SERINC2: variants seen among roughly 807,000 people sequenced by gnomAD.
SERINC2 encodes tumor differentially expressed protein 2.
A neutral mutation model predicts 54.2 loss-of-function variants in SERINC2; 56 were observed. That is an observed-to-expected ratio of 1.03 (90% CI 0.83 to 1.29). SERINC2 has a LOEUF of 1.29. Among genes scored for constraint, SERINC2 ranks in the 50% most tolerant of loss-of-function variants. The pLI, the probability that SERINC2 is intolerant of heterozygous loss-of-function variation, is 0.00. For missense variants in SERINC2, 614 were observed against 607.4 expected (o/e 1.01, Z -0.12); for synonymous variants, 272 against 253.1 (o/e 1.07, Z -0.71).
chr1:31,434,004 G>A, intron 9 of SERINC2, 60 bp from the exon 10 acceptor site: 3 of 1,578,772 alleles, frequency 1.9e-6, no homozygotes, highest in South Asian at 2.3e-5. Context: ...TAAGGCCAGG[G>A]GCCAAGATGG....
intron 8 of SERINC2, among the ~76,000 whole-genome samples, chr1:31,431,676 A>G (rs1641205932): frequency 6.6e-6 from 1 of 151,956 alleles, no homozygotes; most frequent in Non-Finnish European, 1.5e-5. Context: ...GCAAAGAAGC[A>G]TATGCAACCC....
At chr1:31,410,075 G>A (rs2148507256), upstream of SERINC2, 1 of 1,147,500 alleles carries the variant, frequency 8.7e-7, no homozygotes, top group South Asian at 1.7e-5. Flanking sequence ...ACCCCTACAT[G>A]TTTATTTCAA....
intron 6 of SERINC2, among the ~76,000 whole-genome samples, chr1:31,427,405 G>A (rs975125934): frequency 2.0e-5 from 3 of 152,186 alleles, no homozygotes; most frequent in Non-Finnish European, 4.4e-5. Flanking sequence ...GCAGCTTCAG[G>A]GGGCTTAGGT....
At chr1:31,431,029 T>C (rs782198135) in intron 8 of SERINC2, among the ~76,000 whole-genome samples, 10 of 152,148 alleles carry the variant, frequency 6.6e-5, no homozygotes, top group Non-Finnish European at 1.3e-4. Flanking sequence ...TAAACATCTG[T>C]CTTCTTTGTC....
Position 31,425,419 on chromosome 1 carries a change from C to G in SERINC2, c.472+10C>G, listed in dbSNP as rs782287711. The G allele has an allele frequency of 5.0e-6, 8 of 1,595,928 alleles. No individual in the cohort carries two copies. The highest frequency in any genetic ancestry group is 6.9e-6 in the Non-Finnish European group (8 of 1,163,400). On this transcript the variant is annotated intron_variant, in intron 4 of 9. Coordinates refer to ENST00000373709, the MANE Select transcript of SERINC2 (RefSeq NM_178865.5). ...GGCTCCTTCACCAACAGTAGGCGGA[C>G]TTGGCAGGAGGCATGGGGGGCTGTG... is the stretch of plus-strand genomic sequence containing the variant.
chr1:31,432,821 G>A, intron 8 of SERINC2, 146 bp from the exon 9 acceptor site: 3 of 628,950 alleles, frequency 4.8e-6, no homozygotes, highest in Non-Finnish European at 5.6e-6. Flanking sequence ...GTGGGGGTAG[G>A]GGTAGAGTTG....
At position 31,413,337 on chromosome 1, in the gene SERINC2, G is replaced by T; in HGVS notation, c.39+33G>T. 3 of 1,187,998 alleles carry T rather than the reference G, an allele frequency of 2.5e-6. No individual in the cohort carries two copies. Among genetic ancestry groups the T allele is most frequent in the Non-Finnish European group, 3.2e-6 (3 of 942,656 alleles). 73.6% of individuals were successfully genotyped at this position (1,187,998 alleles called of 1,614,324 possible). ...CCGACCCCGGCGCCCGCCCGCGCGCGCCGCCCGTTCCTGCTGCGGGCCCTC... is the reference window on the plus strand; with the variant it reads ...CCGACCCCGGCGCCCGCCCGCGCGCTCCGCCCGTTCCTGCTGCGGGCCCTC... On this transcript the variant is annotated intron_variant, in intron 1 of 9. Transcript: ENST00000373709. The surrounding 1 kb of genome is among the most constrained non-coding windows in gnomAD (Gnocchi z 5.0).
chr1:31,423,708 G>C lies in SERINC2; in HGVS notation c.55G>C (p.Gly19Arg). 5 of 1,609,834 alleles carry C rather than the reference G, an allele frequency of 3.1e-6. No individual in the cohort carries two copies. Among genetic ancestry groups the C allele is most frequent in the East Asian group, 4.5e-5 (2 of 44,884 alleles). Residue 19 changes from glycine (G) to arginine (R), a missense_variant, in exon 2 of 10, where the codon GGC (glycine) becomes CGC (arginine). Transcript: ENST00000373709. ...CCTCCCGCAGGCGTCCTGCCTCTGC[G>C]GCTCTGCCCCCTGCATCCTGTGCAG... ...SLLSCASCLC[G>R]SAPCILCSCC... is the part of the protein sequence containing the mutation.
rs1570020294 is a variant in SERINC2, at chr1:31,413,444, C to A, written c.39+140C>A. On this transcript the variant is annotated intron_variant, in intron 1 of 9. Transcript: ENST00000373709. The surrounding 1 kb of genome is among the most constrained non-coding windows in gnomAD (Gnocchi z 5.0). Reference sequence around the variant, plus strand: ...TTTCTGGGCCGGTGCCCCGCCTGCTCGCCCTCCTGGACCTTCACTCGGCAC... The same window carrying A: ...TTTCTGGGCCGGTGCCCCGCCTGCTAGCCCTCCTGGACCTTCACTCGGCAC... 2 of 398,014 alleles carry A rather than the reference C, an allele frequency of 5.0e-6. No individual in the cohort carries two copies. Among genetic ancestry groups the A allele is most frequent in the African/African-American group, 2.1e-5 (1 of 47,184 alleles). 24.7% of individuals were successfully genotyped at this position (398,014 alleles called of 1,614,324 possible).
At chr1:31,431,124 CCT>C (rs1227533625) in intron 8 of SERINC2, among the ~76,000 whole-genome samples, 1 of 149,550 alleles carries the variant, frequency 6.7e-6, no homozygotes, top group East Asian at 2.0e-4. Context: ...CCTCCCCCCT[CCT>C]CTCTCTTTTC....
At chr1:31,429,564 A>G (rs1553134182) in intron 8 of SERINC2, 26 bp downstream of exon 8, 1 of 1,574,574 alleles carries the variant, frequency 6.4e-7, no homozygotes, top group East Asian at 2.3e-5. Context: ...GATTCTGGGG[A>G]AGGATCATGA....
At chr1:31,432,578 T>G (rs1182081938) in intron 8 of SERINC2, among the ~76,000 whole-genome samples, 2 of 152,160 alleles carry the variant, frequency 1.3e-5, no homozygotes, top group Non-Finnish European at 2.9e-5. Flanking sequence ...TTTGTAGTAT[T>G]AGGTACTCGA....
At chr1:31,410,422 G>A, upstream of SERINC2, 2 of 1,550,052 alleles carry the variant, frequency 1.3e-6, no homozygotes, top group Non-Finnish European at 1.7e-6. Flanking sequence ...GAGTCACCCG[G>A]ACCCAGCCAC....
chr1:31,433,061 G>A lies in SERINC2; in HGVS notation c.1108G>A (p.Ala370Thr). The change falls in exon 9 of 10, where the codon GCA (alanine) becomes ACA (threonine). Residue 370 changes from alanine (A) to threonine (T), a missense_variant. Physicochemically the swap from Ala to Thr is moderately conservative, Grantham distance 58. Coordinates refer to ENST00000373709, the MANE Select transcript of SERINC2 (RefSeq NM_178865.5). ...CGCCACACAGCAGCAGCAGCAGGTG[G>A]CAGCCTGTGAGGGCCGGGCCTTTGA... ...LDATQQQQQV[A>T]ACEGRAFDNE... 2 of 1,613,260 alleles carry A rather than the reference G, an allele frequency of 1.2e-6. No individual in the cohort carries two copies. Among genetic ancestry groups the A allele is most frequent in the Non-Finnish European group, 8.5e-7 (1 of 1,179,926 alleles).
In SERINC2 at chr1:31,429,528, C is replaced by G; in HGVS notation, c.1003C>G (p.Leu335Val). 1 of 1,609,924 alleles carries G rather than the reference C, an allele frequency of 6.2e-7. No homozygotes were observed. The highest frequency in any genetic ancestry group is 8.5e-7 in the Non-Finnish European group (1 of 1,177,662). Residue 335 changes from leucine (L) to valine (V), a missense_variant, in exon 8 of 10, where the codon CTC (leucine) becomes GTC (valine). Leu to Val is a conservative substitution (Grantham distance 32). Transcript: ENST00000373709. The stretch of plus-strand genomic sequence containing the variant: ...CCTCATCATCTTCCTCCTGTGCACC[C>G]TCTTCATCAGGTATGGCCAGGTCTG... ...VGLIIFLLCT[L>V]FISLRSSDHR...
At chr1:31,431,178 G>T (rs1641186831) in intron 8 of SERINC2, among the ~76,000 whole-genome samples, 1 of 150,136 alleles carries the variant, frequency 6.7e-6, no homozygotes, top group African/African-American at 2.5e-5. Context: ...AGGCTGGAGT[G>T]CAATGACACA....
At chr1:31,431,794 G>A (rs1557499772) in intron 8 of SERINC2, among the ~76,000 whole-genome samples, 3 of 146,490 alleles carry the variant, frequency 2.0e-5, no homozygotes, top group African/African-American at 5.1e-5. Context: ...GGATAGGGTG[G>A]ATAGGGTGGA....
intron 1 of SERINC2, among the ~76,000 whole-genome samples, chr1:31,418,422 G>A (rs1640831284): frequency 6.6e-6 from 1 of 151,922 alleles, no homozygotes. Context: ...TGTCACCCAG[G>A]CTGGAGTGTA....
chr1:31,432,876 G>T, intron 8 of SERINC2, 91 bp from the exon 9 acceptor site: 1 of 982,302 alleles, frequency 1.0e-6, no homozygotes. Context: ...TAACCGGGTC[G>T]CTGGCCTCTG....
Sources: allele counts gnomAD v4.1 joint callset (sites outside exome capture counted in the v4.1 genomes callset), GRCh38; gene constraint gnomAD v4.1.1; non-coding constraint Gnocchi (gnomAD v3.1); transcripts MANE v1.5; gene names NCBI Gene and HGNC (gene_info 2026-07-23, HGNC 2026-07-21).